The following KLF17 variants were observed in gnomAD, a reference collection of about 807,000 sequenced individuals.
KLF17 encodes Krueppel-like factor 17.
In KLF17, 31 loss-of-function variants were observed where a neutral mutation model predicts 34.2. The ratio of observed to expected loss-of-function variants is 0.91; its 90% confidence interval spans 0.68 to 1.22. The LOEUF (loss-of-function observed/expected upper bound fraction) is 1.22. KLF17 is among the 50% of genes most tolerant of loss of function. The pLI is 0.00. For synonymous variants in KLF17, 179 were observed against 186.7 expected (o/e 0.96, Z 0.34); for missense variants, 478 against 505.2 (o/e 0.95, Z 0.52).
the KLF17 span, among the ~76,000 whole-genome samples, chr1:44,063,515 C>T: frequency 6.6e-6 from 1 of 152,166 alleles, no homozygotes; most frequent in African/African-American, 2.4e-5. Flanking sequence ...AAGCAAGCTG[C>T]TTCTTCTATG....
chr1:44,078,188 A>G, the KLF17 span, among the ~76,000 whole-genome samples: 1 of 152,226 alleles, frequency 6.6e-6, no homozygotes, highest in Non-Finnish European at 1.5e-5. Flanking sequence ...CTATTCTTTT[A>G]TAATGCCTTC....
chr1:44,054,480 T>C, the KLF17 span, among the ~76,000 whole-genome samples: 2 of 134,704 alleles, frequency 1.5e-5, no homozygotes, highest in South Asian at 2.4e-4. Context: ...CAGTGTGCCT[T>C]TTTTTTTTTT....
At chr1:44,063,989 G>A in the KLF17 span, among the ~76,000 whole-genome samples, 4 of 152,290 alleles carry the variant, frequency 2.6e-5, no homozygotes, top group South Asian at 2.1e-4. Context: ...GCAGGACCAC[G>A]GGTCAGCAGG....
At chr1:44,049,490 CT>C in the KLF17 span, among the ~76,000 whole-genome samples, 1 of 152,114 alleles carries the variant, frequency 6.6e-6, no homozygotes. Flanking sequence ...AGTATATATT[CT>C]TTTCTTTTTG....
At chr1:44,068,026 T>C in the KLF17 span, among the ~76,000 whole-genome samples, 1 of 151,870 alleles carries the variant, frequency 6.6e-6, no homozygotes, top group Non-Finnish European at 1.5e-5. Context: ...TCAGCACTTT[T>C]TTTTTCTTTC....
the KLF17 span, among the ~76,000 whole-genome samples, chr1:44,100,563 A>C: frequency 6.6e-6 from 1 of 152,226 alleles, no homozygotes; most frequent in African/African-American, 2.4e-5. Context: ...TGGAGGAAAA[A>C]ATAAAAGAAC....
chr1:44,089,357 G>A, the KLF17 span, among the ~76,000 whole-genome samples: 2 of 152,300 alleles, frequency 1.3e-5, no homozygotes, highest in South Asian at 2.1e-4. Flanking sequence ...CTGAGAATCA[G>A]GCCCCACAAA....
At chr1:44,102,559 TACACATACACACACACACACACAC>T in the KLF17 span, among the ~76,000 whole-genome samples, 42 of 87,722 alleles carry the variant, frequency 4.8e-4, 1 homozygote, top group South Asian at 1.3e-3. Context: ...ATCACACACA[TACACATACACACACACACACACAC>T]ACACACACAC....
chr1:44,075,985 T>C, the KLF17 span: 7 of 152,202 alleles, frequency 4.6e-5, no homozygotes, highest in Non-Finnish European at 4.4e-5. Flanking sequence ...CCCAAAGTGG[T>C]TGCACCAATT....
chr1:44,047,593 C>A, the KLF17 span, among the ~76,000 whole-genome samples: 3 of 151,622 alleles, frequency 2.0e-5, no homozygotes, highest in African/African-American at 7.3e-5. Context: ...CACTAGTAGC[C>A]CATCTGCCAT....
intron 3 of KLF17, among the ~76,000 whole-genome samples, chr1:44,131,149 G>A (rs2088105092): frequency 1.3e-5 from 2 of 152,086 alleles, no homozygotes; most frequent in African/African-American, 4.8e-5. Flanking sequence ...TCTTCTCTTT[G>A]GTGGGTGTAG....
the KLF17 span, among the ~76,000 whole-genome samples, chr1:44,078,268 G>A: frequency 1.3e-5 from 2 of 152,040 alleles, no homozygotes; most frequent in Non-Finnish European, 2.9e-5. Context: ...ATTGCTGCTT[G>A]ACTCCAAATC....
At chr1:44,086,468 AAAATAAATAAATAAAT>A in the KLF17 span, among the ~76,000 whole-genome samples, 29 of 148,504 alleles carry the variant, frequency 2.0e-4, no homozygotes, top group South Asian at 6.4e-4. Flanking sequence ...CTCCATCTCA[AAAATAAATAAATAAAT>A]AAATAAATAA....
At chr1:44,053,914 C>T in the KLF17 span, among the ~76,000 whole-genome samples, 19 of 152,196 alleles carry the variant, frequency 1.2e-4, no homozygotes, top group African/African-American at 4.3e-4. Context: ...CATGCCATAT[C>T]GTGTGGGAGG....
the KLF17 span, among the ~76,000 whole-genome samples, chr1:44,081,874 G>A: frequency 2.0e-4 from 30 of 152,254 alleles, no homozygotes; most frequent in East Asian, 5.2e-3. Flanking sequence ...ATATTTTAAA[G>A]AAGAGCTTTT....
chr1:44,132,540 C>T (rs1316922653), intron 3 of KLF17, among the ~76,000 whole-genome samples: 1 of 152,192 alleles, frequency 6.6e-6, no homozygotes, highest in African/African-American at 2.4e-5. Flanking sequence ...CCTTACGTTA[C>T]TTCCCATTCT....
intron 1 of KLF17, chr1:44,122,266 C>T: frequency 1.9e-6 from 3 of 1,602,838 alleles, no homozygotes; most frequent in East Asian, 2.2e-5. Context: ...TTAGGTTCAA[C>T]ATCCACAAGT....
At chr1:44,090,857 T>G in the KLF17 span, among the ~76,000 whole-genome samples, 1 of 151,278 alleles carries the variant, frequency 6.6e-6, no homozygotes, top group African/African-American at 2.4e-5. Context: ...AAGAGGAAAA[T>G]GTAGGGCATG....
the KLF17 span, among the ~76,000 whole-genome samples, chr1:44,065,506 T>G: frequency 6.7e-6 from 1 of 149,240 alleles, no homozygotes; most frequent in African/African-American, 2.5e-5. Context: ...GCCTCCTAGA[T>G]TCGAGTGATT....
Sources: gnomAD v4.1 joint callset for allele counts (sites outside exome capture counted in the v4.1 genomes callset) on GRCh38, gnomAD v4.1.1 for gene constraint, MANE v1.5 for transcripts, NCBI Gene and HGNC (gene_info 2026-07-23, HGNC 2026-07-21) for gene names.